UPF2: variants seen among roughly 807,000 people sequenced by gnomAD.
The protein encoded by UPF2 is UPF2 regulator of nonsense mediated mRNA decay.
In UPF2, 17 loss-of-function variants were observed where a neutral mutation model predicts 141.4. The observed-to-expected ratio is 0.12, with a 90% CI of 0.08 to 0.18. The LOEUF is 0.18. Among genes scored for constraint, UPF2 ranks in the 10% least tolerant of loss-of-function variants. UPF2 has a pLI of 1.00. For missense variants in UPF2, 1,152 were observed against 1,515.9 expected (o/e 0.76, Z 3.99); for synonymous variants, 540 against 498.0 (o/e 1.08, Z -1.12).
At chr10:11,978,883 A>G (rs556275233) in intron 9 of UPF2, among the ~76,000 whole-genome samples, 174 bp downstream of exon 9, 23 of 152,344 alleles carry the variant, frequency 1.5e-4, no homozygotes, top group African/African-American at 3.1e-4. Context: ...TCACTGATCA[A>G]TTTCAAGCTT....
intron 3 of UPF2, among the ~76,000 whole-genome samples, chr10:12,023,374 A>G (rs967513160): frequency 2.0e-5 from 3 of 152,196 alleles, no homozygotes; most frequent in East Asian, 3.9e-4. Flanking sequence ...ACCAAAATGT[A>G]TAACAAAAAA....
intron 2 of UPF2, among the ~76,000 whole-genome samples, chr10:12,034,302 A>C (rs1284144145): frequency 6.6e-6 from 1 of 152,068 alleles, no homozygotes; most frequent in Non-Finnish European, 1.5e-5. Context: ...CATACCATGA[A>C]AAAAAGTTTT....
At position 12,042,500 on chromosome 10, in the gene UPF2, G is replaced by A. The variant is rs1459098766; in HGVS notation, c.-19+255C>T. Among the ~76,000 whole-genome samples, 1 of 152,120 alleles carries A rather than the reference G, an allele frequency of 6.6e-6. No individual in the cohort carries two copies. The highest frequency in any genetic ancestry group is 1.5e-5 in the Non-Finnish European group (1 of 68,010). ...TCGAGGCCCGGCCCAGGCATGTGGG[G>A]CAGGCACCTCCTCCACCGCCCCCCA... On this transcript the variant is annotated intron_variant, in intron 1 of 21. Transcript: ENST00000357604. This position sits in a 1 kb window ranked among gnomAD's most constrained non-coding sequence, Gnocchi z 5.5.
At chr10:11,995,714 C>T (rs1000946954) in intron 8 of UPF2, among the ~76,000 whole-genome samples, 43 of 151,980 alleles carry the variant, frequency 2.8e-4, no homozygotes, top group Non-Finnish European at 5.7e-4. Flanking sequence ...ACCCTGGAGT[C>T]GGAGGTTGCA....
At chr10:11,978,702 T>G (rs1301305763) in intron 9 of UPF2, among the ~76,000 whole-genome samples, 1 of 152,192 alleles carries the variant, frequency 6.6e-6, no homozygotes. Context: ...ATATCCTATG[T>G]GGCACCACAC....
intron 7 of UPF2, among the ~76,000 whole-genome samples, chr10:11,999,196 C>A (rs1833912864): frequency 6.7e-6 from 1 of 150,230 alleles, no homozygotes; most frequent in Non-Finnish European, 1.5e-5. Flanking sequence ...ATCACTTTTG[C>A]AAATGTCAAA....
chr10:12,009,591 C>A (rs1834093900), intron 4 of UPF2, among the ~76,000 whole-genome samples: 2 of 152,138 alleles, frequency 1.3e-5, no homozygotes, highest in Admixed American at 1.3e-4. Flanking sequence ...GGAAAATAAT[C>A]CCTGATAGGG....
chr10:12,041,512 G>T (rs912116555), intron 1 of UPF2, among the ~76,000 whole-genome samples: 1 of 152,094 alleles, frequency 6.6e-6, no homozygotes, highest in Non-Finnish European at 1.5e-5. Flanking sequence ...AGTGTATTGG[G>T]GGGAAGAGGG....
In UPF2 at chr10:11,936,266, A is replaced by C. The variant is rs1832848683; in HGVS notation, c.3546+279T>G. On this transcript the variant is annotated intron_variant, in intron 19 of 21. Transcript: ENST00000357604. The surrounding 1 kb of genome is among the most constrained non-coding windows in gnomAD (Gnocchi z 6.6). ...ACGCCTGTAATCCCAGCTACTCAGG[A>C]GGCTGAGGCAGAAGAATCGTTTGAA... Among the ~76,000 whole-genome samples the C allele has an allele frequency of 6.6e-6, 1 of 152,086 alleles. No individual in the cohort carries two copies. Among genetic ancestry groups the C allele is most frequent in the Non-Finnish European group, 1.5e-5 (1 of 68,006 alleles).
intron 4 of UPF2, among the ~76,000 whole-genome samples, chr10:12,010,410 G>T (rs1834106721): frequency 1.3e-5 from 2 of 152,086 alleles, no homozygotes; most frequent in Admixed American, 1.3e-4. Context: ...GAACATGTCA[G>T]ATACAAAGAA....
Position 11,920,753 on chromosome 10 carries a change from G to T in UPF2, c.*545C>A. The T allele has an allele frequency of 3.9e-6, 1 of 253,216 alleles. No homozygotes were observed. Among genetic ancestry groups the T allele is most frequent in the Non-Finnish European group, 7.9e-6 (1 of 126,152 alleles). The allele number at this position is 253,216 out of a possible 1,614,324, so 15.7% of individuals were successfully genotyped here. On this transcript the variant is annotated 3_prime_UTR_variant, in exon 22 of 22. Coordinates refer to ENST00000357604, the MANE Select transcript of UPF2 (RefSeq NM_015542.4). ...TTCCTGGTGGATTATCTGGTATTTG[G>T]ATATCTTTCATCATTTTGTTGTCCT...
chr10:12,019,744 G>C lies in UPF2; in HGVS notation c.1146-5560C>G, dbSNP rs1834285256. On this transcript the variant is annotated intron_variant, in intron 3 of 21. Coordinates refer to ENST00000357604, the MANE Select transcript of UPF2 (RefSeq NM_015542.4). This position sits in a 1 kb window ranked among gnomAD's most constrained non-coding sequence, Gnocchi z 4.5. The stretch of plus-strand genomic sequence containing the variant: ...GTGTTTTTTTTTGTTTTGTTTTTGA[G>C]ATGGATTCTCGCTCTGCTGCCCAGG... 6.6e-6 allele frequency among the ~76,000 whole-genome samples: 1 copy of C among 152,022 alleles called. No individual in the cohort carries two copies. The highest frequency in any genetic ancestry group is 6.6e-5 in the Admixed American group (1 of 15,252).
At chr10:12,026,564 G>GGGCC in intron 3 of UPF2, 1 of 438,982 alleles carries the variant, frequency 2.3e-6, no homozygotes, top group Non-Finnish European at 4.5e-6. Flanking sequence ...CTGTGGTAAA[G>GGGCC]GGCCACCTTT....
rs1303943153 is a variant in UPF2, at chr10:11,979,015, A to T, written c.1953+42T>A. The stretch of plus-strand genomic sequence containing the variant: ...TTCTTAAAGAATCCTCACTCAACGT[A>T]TAAGAATATAAATATTTCAAAATAA... On this transcript the variant is annotated intron_variant, in intron 9 of 21. Coordinates refer to ENST00000357604, the MANE Select transcript of UPF2 (RefSeq NM_015542.4). The surrounding 1 kb of genome is among the most constrained non-coding windows in gnomAD (Gnocchi z 6.2). 6.9e-7 allele frequency: 1 copy of T among 1,455,804 alleles called. No homozygotes were observed. Among genetic ancestry groups the T allele is most frequent in the Admixed American group, 1.7e-5 (1 of 58,088 alleles). 90.2% of individuals were successfully genotyped at this position (1,455,804 alleles called of 1,614,324 possible).
Position 12,017,747 on chromosome 10 carries a change from T to A in UPF2, c.1146-3563A>T, listed in dbSNP as rs185445262. On this transcript the variant is annotated intron_variant, in intron 3 of 21. Coordinates refer to ENST00000357604, the MANE Select transcript of UPF2 (RefSeq NM_015542.4). Reference sequence around the variant, plus strand: ...TCCATAAGCCTTTTACTCCCATTTTTTTATTATTATTATACTTTAAGTTCT... The same window carrying A: ...TCCATAAGCCTTTTACTCCCATTTTATTATTATTATTATACTTTAAGTTCT... 1.2e-4 allele frequency among the ~76,000 whole-genome samples: 18 copies of A among 152,300 alleles called. No individual in the cohort carries two copies. The East Asian group carries it at 3.5e-3, about 29-fold the overall frequency.
At chr10:12,007,425 A>G (rs182182016) in intron 4 of UPF2, among the ~76,000 whole-genome samples, 50 of 152,352 alleles carry the variant, frequency 3.3e-4, no homozygotes, top group African/African-American at 1.2e-3. Context: ...AAGAAATTCA[A>G]CTTTTGAGAG....
chr10:12,020,233 C>A (rs1248066583), intron 3 of UPF2, among the ~76,000 whole-genome samples: 1 of 150,836 alleles, frequency 6.6e-6, no homozygotes, highest in Non-Finnish European at 1.5e-5. Context: ...TTTGTATTAT[C>A]CTAAAAAATA....
rs148724200 is a variant in UPF2 at position 11,932,430 on chromosome 10, A to G, written c.3547-648T>C. ...GAAATATAGGCTTTCTTATTCACGT[A>G]TAAGATTAACAATTTCTTCGTTTAG... On this transcript the variant is annotated intron_variant, in intron 19 of 21. Coordinates refer to ENST00000357604, the MANE Select transcript of UPF2 (RefSeq NM_015542.4). Among the ~76,000 whole-genome samples, 29 of 152,354 alleles carry G rather than the reference A, an allele frequency of 1.9e-4. 1 individual carries two copies. The East Asian group carries it at 4.8e-3, about 25-fold the overall frequency.
At position 11,921,521 on chromosome 10, in the gene UPF2, T is replaced by C. The variant is rs1832644710; in HGVS notation, c.3810-214A>G. Among the ~76,000 whole-genome samples, 1 of 151,422 alleles carries C rather than the reference T, an allele frequency of 6.6e-6. No homozygotes were observed. The highest frequency in any genetic ancestry group is 1.9e-4 in the East Asian group (1 of 5,134). Reference sequence around the variant, plus strand: ...AACATAAATATTAAAAACAATACAGTATATCAACTATCTCCATAGCATCTA... The same window carrying C: ...AACATAAATATTAAAAACAATACAGCATATCAACTATCTCCATAGCATCTA... On this transcript the variant is annotated intron_variant, in intron 21 of 21. Transcript: ENST00000357604. This position sits in a 1 kb window ranked among gnomAD's most constrained non-coding sequence, Gnocchi z 5.9.
Sources: gnomAD v4.1 joint callset for allele counts (sites outside exome capture counted in the v4.1 genomes callset) on GRCh38, gnomAD v4.1.1 for gene constraint, Gnocchi (gnomAD v3.1) non-coding constraint, MANE v1.5 for transcripts, NCBI Gene and HGNC (gene_info 2026-07-23, HGNC 2026-07-21) for gene names.